TENM3: variants seen among roughly 807,000 people sequenced by gnomAD.
TENM3 encodes teneurin transmembrane protein 3, also known as teneurin-3.
TENM3 carries 63 observed loss-of-function variants against 255.1 expected under a neutral mutation model. The observed-to-expected ratio is 0.25, with a 90% CI of 0.20 to 0.30. TENM3 has a LOEUF of 0.30. TENM3 is among the 10% of genes least tolerant of loss of function. TENM3 has a pLI of 1.00. For synonymous variants in TENM3, 1,306 were observed against 1,322.3 expected, an observed-to-expected ratio of 0.99 and a Z score of 0.27; for missense variants, 2,929 against 3,461.1, an observed-to-expected ratio of 0.85 and a Z score of 3.86.
At chr4:182,669,577 T>G (rs533093998) in intron 6 of TENM3, among the ~76,000 whole-genome samples, 422 of 152,234 alleles carry the variant, frequency 2.8e-3, no homozygotes, top group Non-Finnish European at 5.1e-3. Context: ...GCCTTCCATG[T>G]CAGTTTTTTA....
intron 3 of TENM3, among the ~76,000 whole-genome samples, chr4:182,466,389 T>C (rs1561477680): frequency 1.3e-5 from 2 of 152,164 alleles, no homozygotes; most frequent in Non-Finnish European, 2.9e-5. Flanking sequence ...TTACCTCCAT[T>C]TTCATGTGGA....
intron 1 of TENM3, among the ~76,000 whole-genome samples, chr4:182,148,575 T>C (rs1357245980): frequency 6.6e-6 from 1 of 152,126 alleles, no homozygotes; most frequent in Non-Finnish European, 1.5e-5. Context: ...CTAGGTTATT[T>C]CCTTTTTTGT....
chr4:182,011,783 A>G, the TENM3 span, among the ~76,000 whole-genome samples: 6 of 152,120 alleles, frequency 3.9e-5, no homozygotes, highest in Admixed American at 2.6e-4. Context: ...CTTTCCTTTG[A>G]GCCTGGGCAG....
At chr4:181,753,192 C>T in the TENM3 span, among the ~76,000 whole-genome samples, 1 of 152,212 alleles carries the variant, frequency 6.6e-6, no homozygotes, top group African/African-American at 2.4e-5. Context: ...ATCAGATCTG[C>T]ACCTGGTATT....
chr4:181,981,981 C>T, the TENM3 span, among the ~76,000 whole-genome samples: 8 of 152,018 alleles, frequency 5.3e-5, no homozygotes, highest in Admixed American at 1.3e-4. Flanking sequence ...AGGTGGTATA[C>T]GTGGGAAGTG....
the TENM3 span, among the ~76,000 whole-genome samples, chr4:181,864,936 A>G: frequency 1.5e-4 from 23 of 152,356 alleles, no homozygotes; most frequent in South Asian, 4.8e-3. Context: ...AGCTGATTCT[A>G]TGGCTCAGAT....
intron 3 of TENM3, among the ~76,000 whole-genome samples, chr4:182,541,306 CTG>C (rs985430880): frequency 6.6e-6 from 1 of 151,852 alleles, no homozygotes. Context: ...GAAAGTGATT[CTG>C]TGTGTGTGTG....
At chr4:182,437,666 T>C (rs1485977862) in intron 3 of TENM3, among the ~76,000 whole-genome samples, 1 of 151,964 alleles carries the variant, frequency 6.6e-6, no homozygotes, top group East Asian at 1.9e-4. Context: ...GACGTGGTGG[T>C]AGGCGCTTGT....
intron 1 of TENM3, among the ~76,000 whole-genome samples, chr4:182,175,306 A>ATAT (rs1326077334): frequency 1.2e-5 from 1 of 80,510 alleles, no homozygotes; most frequent in African/African-American, 3.6e-5. Context: ...CTTCATTAAA[A>ATAT]AAAAAAAAAT....
chr4:182,695,203 A>T (rs1291800024), intron 12 of TENM3, among the ~76,000 whole-genome samples: 1 of 152,096 alleles, frequency 6.6e-6, no homozygotes, highest in East Asian at 1.9e-4. Flanking sequence ...GGTAGTGGTG[A>T]TGAAAGGCAA....
intron 5 of TENM3, among the ~76,000 whole-genome samples, chr4:182,636,571 G>C (rs1049546823): frequency 6.6e-6 from 1 of 152,150 alleles, no homozygotes; most frequent in East Asian, 1.9e-4. Flanking sequence ...CAAAAAGTTA[G>C]CCAGGCATGG....
At chr4:181,701,712 G>A in the TENM3 span, among the ~76,000 whole-genome samples, 1 of 152,292 alleles carries the variant, frequency 6.6e-6, no homozygotes, top group Non-Finnish European at 1.5e-5. Context: ...ATTTCATTAA[G>A]TTCAAGTGCC....
At chr4:181,751,646 G>A in the TENM3 span, among the ~76,000 whole-genome samples, 1 of 152,046 alleles carries the variant, frequency 6.6e-6, no homozygotes, top group East Asian at 1.9e-4. Context: ...CTAGGGTAGC[G>A]GGCATGAGCA....
intron 3 of TENM3, among the ~76,000 whole-genome samples, chr4:182,535,710 A>G (rs1018964538): frequency 6.6e-6 from 1 of 151,514 alleles, no homozygotes; most frequent in Non-Finnish European, 1.5e-5. Context: ...ACTGCACTCC[A>G]CCCTGGGTGA....
At chr4:182,065,340 G>C in the TENM3 span, among the ~76,000 whole-genome samples, 1 of 152,082 alleles carries the variant, frequency 6.6e-6, no homozygotes, top group Non-Finnish European at 1.5e-5. Context: ...CGGCAAAACC[G>C]GATAATTTAT....
chr4:181,977,159 C>G, the TENM3 span, among the ~76,000 whole-genome samples: 4 of 152,152 alleles, frequency 2.6e-5, no homozygotes, highest in African/African-American at 9.7e-5. Flanking sequence ...TACTTTGCCT[C>G]TCTGTGTTTT....
At chr4:181,556,954 C>A in the TENM3 span, among the ~76,000 whole-genome samples, 24 of 152,258 alleles carry the variant, frequency 1.6e-4, no homozygotes, top group Non-Finnish European at 2.9e-4. Context: ...AATATTATCT[C>A]TTTCCCCTAC....
the TENM3 span, among the ~76,000 whole-genome samples, chr4:181,488,477 G>A: frequency 6.6e-6 from 1 of 152,094 alleles, no homozygotes; most frequent in Non-Finnish European, 1.5e-5. Flanking sequence ...TTTTGGTTCA[G>A]CAATCAGCAG....
intron 1 of TENM3, among the ~76,000 whole-genome samples, chr4:182,244,109 A>T (rs868292740): frequency 6.6e-6 from 1 of 150,628 alleles, no homozygotes; most frequent in East Asian, 2.0e-4. Flanking sequence ...GCCCGCCACC[A>T]CGCCCGGCTA....
Sources: allele counts gnomAD v4.1 joint callset (sites outside exome capture counted in the v4.1 genomes callset), GRCh38; gene constraint gnomAD v4.1.1; transcripts MANE v1.5; gene names NCBI Gene and HGNC (gene_info 2026-07-23, HGNC 2026-07-21).